Variants in CFAP58 observed in about 807,000 individuals in gnomAD.
CFAP58 encodes cilia and flagella associated protein 58, also known as cilia- and flagella-associated protein 58.
In CFAP58, 88 loss-of-function variants were observed where a neutral mutation model predicts 119.5. The observed-to-expected ratio is 0.74, with a 90% CI of 0.62 to 0.88. CFAP58 has a LOEUF of 0.88. Ranked by LOEUF, CFAP58 falls within the 40% of genes least tolerant of loss-of-function variation. CFAP58 has a pLI of 0.00. For missense variants in CFAP58, 990 were observed against 1,021.2 expected, an observed-to-expected ratio of 0.97 and a Z score of 0.42; for synonymous variants, 365 against 366.3, an observed-to-expected ratio of 1.00 and a Z score of 0.04.
At chr10:104,437,803 G>A (rs1185640706) in intron 15 of CFAP58, among the ~76,000 whole-genome samples, 1 of 151,954 alleles carries the variant, frequency 6.6e-6, no homozygotes, top group East Asian at 1.9e-4. Context: ...AAAATACTTG[G>A]TCAGAGTATT....
chr10:104,449,044 G>T (rs893182306), intron 16 of CFAP58, among the ~76,000 whole-genome samples: 1 of 152,180 alleles, frequency 6.6e-6, no homozygotes, highest in South Asian at 2.1e-4. Flanking sequence ...TTAGAGGTGG[G>T]TGGTACTGAG....
the CFAP58 span, among the ~76,000 whole-genome samples, chr10:104,347,619 C>T: frequency 2.0e-4 from 30 of 152,220 alleles, no homozygotes; most frequent in East Asian, 5.4e-3. Flanking sequence ...TCCATAGACA[C>T]TAAATCCAGC....
rs770666929 is a variant in CFAP58, at chr10:104,399,471, A to T, written c.1786A>T (p.Arg596Trp). Residue 596 changes from arginine to tryptophan, a missense_variant, in exon 12 of 18, where the codon AGG becomes TGG. Arg to Trp is a moderately radical substitution (Grantham distance 101). Transcript: ENST00000369704. ...LRIIAEADGE[R>W]LRQKKELDQV... ...AATAATTGCTGAGGCTGACGGGGAG[A>T]GGTTGAGACAGAAGAAGGAATTAGA... 3.1e-6 allele frequency: 5 copies of T among 1,613,582 alleles called. No homozygotes were observed. The African/African-American group carries it at 6.7e-5, about 22-fold the overall frequency.
chr10:104,453,761 AGT>A (rs56666132), intron 17 of CFAP58, among the ~76,000 whole-genome samples: 5,722 of 138,368 alleles, frequency 0.041, 114 homozygotes, highest in Non-Finnish European at 0.052. Flanking sequence ...CATGAATATG[AGT>A]GTGTGTGTGT....
At chr10:104,388,613 A>C (rs1253662970) in intron 9 of CFAP58, among the ~76,000 whole-genome samples, 2 of 152,236 alleles carry the variant, frequency 1.3e-5, no homozygotes, top group Non-Finnish European at 2.9e-5. Flanking sequence ...GTCAGCATTC[A>C]AACCATTGAC....
In CFAP58 at chr10:104,365,873, A is replaced by G; in HGVS notation, c.657A>G (p.Glu219=). The part of the protein sequence containing the change: ...NEASREFRKK[E]KLEKELKQIQ... ...CTTCCCGGGAGTTCCGGAAGAAGGA[A>G]AAACTAGAGAAAGAGCTCAAGCAGA... The change falls in exon 5 of 18, where the codon GAA becomes GAG. Residue 219 remains glutamate (E), a synonymous_variant. Transcript: ENST00000369704. 6.2e-7 allele frequency: 1 copy of G among 1,613,392 alleles called. No individual in the cohort carries two copies. The highest frequency in any genetic ancestry group is 8.5e-7 in the Non-Finnish European group (1 of 1,179,732).
At chr10:104,439,156 A>G (rs2012992829) in intron 15 of CFAP58, among the ~76,000 whole-genome samples, 1 of 152,236 alleles carries the variant, frequency 6.6e-6, no homozygotes, top group South Asian at 2.1e-4. Context: ...GGTTGTAAGC[A>G]CAGGGGTGGG....
At chr10:104,449,939 TG>T in intron 16 of CFAP58, 131 bp from the exon 17 acceptor site, 1 of 842,848 alleles carries the variant, frequency 1.2e-6, no homozygotes. Flanking sequence ...GGTGGAAGCA[TG>T]CAGATTAATT....
Position 104,400,696 on chromosome 10 carries a change from A to G in CFAP58, c.1832A>G (p.Asp611Gly). The change falls in exon 13 of 18, where the codon GAT becomes GGT. Residue 611 changes from aspartate (D) to glycine (G), a missense_variant. Transcript: ENST00000369704. ...KELDQVISER[D>G]ILGSQLVRRN... ...CCTTCCTAGGTCATCAGTGAGAGAGATATCCTGGGGTCTCAGCTTGTTCGG... is the reference window on the plus strand; with the variant it reads ...CCTTCCTAGGTCATCAGTGAGAGAGGTATCCTGGGGTCTCAGCTTGTTCGG... 1 of 1,613,884 alleles carries G rather than the reference A, an allele frequency of 6.2e-7. No individual in the cohort carries two copies. Among genetic ancestry groups the G allele is most frequent in the Non-Finnish European group, 8.5e-7 (1 of 1,180,004 alleles).
intron 2 of CFAP58, among the ~76,000 whole-genome samples, chr10:104,360,977 G>C (rs2014658926): frequency 6.6e-6 from 1 of 152,100 alleles, no homozygotes; most frequent in Non-Finnish European, 1.5e-5. Context: ...GATCTCATGA[G>C]AACTCACTCA....
upstream of CFAP58, among the ~76,000 whole-genome samples, chr10:104,351,039 T>C (rs1310502197): frequency 1.3e-5 from 2 of 152,224 alleles, no homozygotes; most frequent in Non-Finnish European, 2.9e-5. Context: ...GGAGTTTCTC[T>C]GGATCATGGC....
At chr10:104,429,772 C>T (rs1328379006) in intron 15 of CFAP58, among the ~76,000 whole-genome samples, 2 of 152,196 alleles carry the variant, frequency 1.3e-5, no homozygotes, top group African/African-American at 2.4e-5. Flanking sequence ...GAGCTACTAC[C>T]TACCCGGGTT....
the CFAP58 span, among the ~76,000 whole-genome samples, chr10:104,344,611 T>G: frequency 6.6e-6 from 1 of 152,140 alleles, no homozygotes; most frequent in Non-Finnish European, 1.5e-5. Flanking sequence ...CTTAATGTGG[T>G]CTTTTATAGA....
chr10:104,371,060 C>T lies in CFAP58; in HGVS notation c.1090+6C>T. 6.3e-7 allele frequency: 1 copy of T among 1,595,002 alleles called. No homozygotes were observed. Among genetic ancestry groups the T allele is most frequent in the Non-Finnish European group, 8.5e-7 (1 of 1,173,932 alleles). ...GATTGTGGGATTAGAGAGAGGTAAA[C>T]CATTTTGCGCTTTTATTCATTTAGA... On this transcript the variant is annotated splice_donor_region_variant and intron_variant, in intron 7 of 17. Transcript: ENST00000369704.
intron 15 of CFAP58, among the ~76,000 whole-genome samples, chr10:104,418,535 G>A (rs1034437358): frequency 1.8e-4 from 28 of 152,288 alleles, no homozygotes; most frequent in African/African-American, 6.7e-4. Context: ...GTGAAAGAGC[G>A]AGACTCCGCC....
chr10:104,349,262 C>A (rs1345973219), upstream of CFAP58, among the ~76,000 whole-genome samples: 1 of 141,856 alleles, frequency 7.0e-6, no homozygotes, highest in East Asian at 2.0e-4. Context: ...GCCTCCACAC[C>A]AAAACAAAAC....
At chr10:104,449,328 A>G (rs936596163) in intron 16 of CFAP58, among the ~76,000 whole-genome samples, 5 of 152,230 alleles carry the variant, frequency 3.3e-5, no homozygotes, top group African/African-American at 7.2e-5. Flanking sequence ...GCAAGAGGAA[A>G]AATAAATCCA....
chr10:104,439,011 A>C (rs144312681), intron 15 of CFAP58, among the ~76,000 whole-genome samples: 23 of 152,250 alleles, frequency 1.5e-4, no homozygotes, highest in Non-Finnish European at 2.9e-5. Flanking sequence ...AGCAAGCCAA[A>C]GAAAACTAGA....
intron 13 of CFAP58, 92 bp downstream of exon 13, chr10:104,400,995 G>A: frequency 1.2e-6 from 1 of 857,238 alleles, no homozygotes; most frequent in Non-Finnish European, 1.9e-6. Context: ...CTCATTGAAG[G>A]TCTTTATCGA....
Sources: gnomAD v4.1 joint callset for allele counts (sites outside exome capture counted in the v4.1 genomes callset) on GRCh38, gnomAD v4.1.1 for gene constraint, MANE v1.5 for transcripts, NCBI Gene and HGNC (gene_info 2026-07-23, HGNC 2026-07-21) for gene names.